The following ZC2HC1A variants were observed in gnomAD, a reference collection of about 807,000 sequenced individuals.
The protein encoded by ZC2HC1A is zinc finger C2HC-type containing 1A.
ZC2HC1A carries 28 observed loss-of-function variants against 40.7 expected under a neutral mutation model. The ratio of observed to expected loss-of-function variants is 0.69; its 90% CI spans 0.51 to 0.94. ZC2HC1A has a LOEUF of 0.94. Ranked by LOEUF, ZC2HC1A falls within the 40% of genes least tolerant of loss-of-function variation. The probability of loss-of-function intolerance (pLI) is 0.00; values close to 1 mark genes in which losing one functional copy is unlikely to be tolerated. For synonymous variants in ZC2HC1A, 129 were observed against 129.2 expected, an observed-to-expected ratio of 1.00 and a Z score of 0.01; for missense variants, 389 against 386.3, an observed-to-expected ratio of 1.01 and a Z score of -0.06.
intron 7 of ZC2HC1A, among the ~76,000 whole-genome samples, chr8:78,708,164 A>G (rs980627695): frequency 1.3e-5 from 2 of 152,214 alleles, no homozygotes; most frequent in African/African-American, 2.4e-5. Flanking sequence ...GAATTAAGAC[A>G]TTTGGTCAGG....
At chr8:78,671,039 T>TATA (rs1282818206) in intron 1 of ZC2HC1A, among the ~76,000 whole-genome samples, 2 of 152,158 alleles carry the variant, frequency 1.3e-5, no homozygotes, top group Non-Finnish European at 2.9e-5. Context: ...GGTGATAGAA[T>TATA]ATAAGACTTA....
rs1231269986 is a variant in ZC2HC1A, at chr8:78,698,367, T to C, written c.605-47T>C. 42 of 1,474,706 alleles carry C rather than the reference T, an allele frequency of 2.8e-5. 1 individual carries two copies. In the East Asian group the frequency reaches 9.8e-4, roughly 35 times the overall value. 91.4% of individuals were successfully genotyped at this position (1,474,706 alleles called of 1,614,324 possible). On this transcript the variant is annotated intron_variant, in intron 6 of 8. Transcript: ENST00000263849. ...CCTTTGTTAGATGCTCTGTTTTATG[T>C]AACCTTTTTTAGAGTATTGTTAAAA...
intron 7 of ZC2HC1A, chr8:78,712,146 T>C (rs1208409093): frequency 4.3e-6 from 5 of 1,172,144 alleles, no homozygotes; most frequent in Non-Finnish European, 5.6e-6. Flanking sequence ...ATTTTTCAGA[T>C]ATTTCCTTAA....
intron 7 of ZC2HC1A, among the ~76,000 whole-genome samples, chr8:78,702,123 T>C (rs1810625329): frequency 6.6e-6 from 1 of 152,214 alleles, no homozygotes; most frequent in African/African-American, 2.4e-5. Context: ...ATTGGTAAGC[T>C]ATTTATTACT....
chr8:78,667,366 T>C (rs1809329355), intron 1 of ZC2HC1A, among the ~76,000 whole-genome samples: 1 of 152,164 alleles, frequency 6.6e-6, no homozygotes, highest in Non-Finnish European at 1.5e-5. Context: ...CAAGTTTCCA[T>C]GAAATAAGGA....
At chr8:78,691,373 G>T (rs1461134951) in intron 5 of ZC2HC1A, among the ~76,000 whole-genome samples, 3 of 152,042 alleles carry the variant, frequency 2.0e-5, no homozygotes, top group East Asian at 1.9e-4. Context: ...CTTTTTGTCT[G>T]TGGCAATATT....
chr8:78,689,664 A>G (rs1481960774), intron 5 of ZC2HC1A, among the ~76,000 whole-genome samples: 2 of 151,938 alleles, frequency 1.3e-5, no homozygotes, highest in Non-Finnish European at 2.9e-5. Flanking sequence ...ATATATATGT[A>G]TACATGTTTT....
chr8:78,682,129 T>A (rs764497804), intron 3 of ZC2HC1A, among the ~76,000 whole-genome samples: 1 of 152,150 alleles, frequency 6.6e-6, no homozygotes, highest in Non-Finnish European at 1.5e-5. Flanking sequence ...AATAGTTGGG[T>A]ATCTCAATAA....
chr8:78,699,953 T>C (rs1810547796), intron 7 of ZC2HC1A, among the ~76,000 whole-genome samples: 1 of 152,108 alleles, frequency 6.6e-6, no homozygotes, highest in Non-Finnish European at 1.5e-5. Context: ...TATAATAGAA[T>C]GATATATATT....
intron 7 of ZC2HC1A, 50 bp downstream of exon 7, chr8:78,698,563 T>C: frequency 1.5e-6 from 2 of 1,324,176 alleles, no homozygotes; most frequent in Non-Finnish European, 2.1e-6. Context: ...TAAACGATAC[T>C]AAGGTTTTGT....
rs60056547 is a variant in ZC2HC1A, at chr8:78,686,431, G to GTTTATTTA, written c.211-10_211-3dup. 6.7e-3 allele frequency: 7,862 copies of GTTTATTTA among 1,173,290 alleles called. 71 individuals carry two copies. The highest frequency in any genetic ancestry group is 0.039 in the African/African-American group (2,356 of 60,998). 72.7% of individuals were successfully genotyped at this position (1,173,290 alleles called of 1,614,324 possible). On this transcript the variant is annotated intron_variant, in intron 3 of 8. Coordinates refer to ENST00000263849, the MANE Select transcript of ZC2HC1A (RefSeq NM_016010.3). ...TCAATATACTAAAAAGATACTGTTT[G>GTTTATTTA]TTTATTTATTTATTTATTTATTTAT...
chr8:78,670,229 A>G (rs1392552928), intron 1 of ZC2HC1A, among the ~76,000 whole-genome samples: 5 of 152,022 alleles, frequency 3.3e-5, no homozygotes, highest in Admixed American at 3.3e-4. Context: ...GACGTCCCAA[A>G]GTGCTGGGAT....
chr8:78,680,438 C>T (rs1476373453), intron 3 of ZC2HC1A, among the ~76,000 whole-genome samples: 1 of 152,096 alleles, frequency 6.6e-6, no homozygotes, highest in Non-Finnish European at 1.5e-5. Context: ...ATCTCAGCCT[C>T]CTCCCAAACA....
In ZC2HC1A at chr8:78,690,631, A is replaced by G. The variant is rs190143269; in HGVS notation, c.504+1258A>G. 7.9e-5 allele frequency among the ~76,000 whole-genome samples: 12 copies of G among 152,256 alleles called. No individual in the cohort carries two copies. In the East Asian group the frequency reaches 2.3e-3, roughly 29 times the overall value. ...TACATTTTATAATTGACTTGTCAAC[A>G]TCTACAAAAAATGACTTCTAGCATT... On this transcript the variant is annotated intron_variant, in intron 5 of 8. Coordinates refer to ENST00000263849, the MANE Select transcript of ZC2HC1A (RefSeq NM_016010.3).
In ZC2HC1A at chr8:78,718,813, TAA is replaced by T. The variant is rs1811180958; in HGVS notation, c.*1321_*1322del. ...GTAGTAATTTCTATTCAATCAAACC[TAA>T]GAGAGCTTTGATCTTACTGTAAAGG... is the stretch of plus-strand genomic sequence containing the variant. On this transcript the variant is annotated 3_prime_UTR_variant, in exon 9 of 9. Transcript: ENST00000263849. 1 of 151,824 alleles carries T rather than the reference TAA, an allele frequency of 6.6e-6. No individual in the cohort carries two copies. The highest frequency in any genetic ancestry group is 1.5e-5 in the Non-Finnish European group (1 of 67,724). The allele number at this position is 151,824 out of a possible 1,614,324, so 9.4% of individuals were successfully genotyped here. A position where few individuals can be genotyped will look rare whatever the true frequency, so the allele number is the denominator to read the frequency against.
chr8:78,687,808 G>T (rs1231782403), intron 4 of ZC2HC1A, among the ~76,000 whole-genome samples: 7 of 132,248 alleles, frequency 5.3e-5, no homozygotes, highest in African/African-American at 2.0e-4. Context: ...ATATATTCAT[G>T]TAATAAATAT....
At chr8:78,685,834 G>T (rs1809950707) in intron 3 of ZC2HC1A, 1 of 152,228 alleles carries the variant, frequency 6.6e-6, no homozygotes, top group African/African-American at 2.4e-5. Context: ...TTCTGCTGCT[G>T]TAATAGAGTA....
At chr8:78,703,736 C>T (rs190281232) in intron 7 of ZC2HC1A, among the ~76,000 whole-genome samples, 3 of 152,220 alleles carry the variant, frequency 2.0e-5, no homozygotes, top group African/African-American at 7.2e-5. Context: ...TATCAAAATA[C>T]TTGCCACTCT....
chr8:78,700,599 G>A (rs1171713998), intron 7 of ZC2HC1A, among the ~76,000 whole-genome samples: 3 of 152,044 alleles, frequency 2.0e-5, no homozygotes, highest in Admixed American at 1.3e-4. Flanking sequence ...GCCCTGAATG[G>A]TATTGGCTAG....
Sources: allele counts gnomAD v4.1 joint callset (sites outside exome capture counted in the v4.1 genomes callset), GRCh38; gene constraint gnomAD v4.1.1; transcripts MANE v1.5; gene names NCBI Gene and HGNC (gene_info 2026-07-23, HGNC 2026-07-21).